MRTFB: variants seen among roughly 807,000 people sequenced by gnomAD.
MRTFB encodes myocardin-related transcription factor B.
MRTFB carries 29 observed loss-of-function variants against 104.2 expected under a neutral mutation model. That is an observed-to-expected ratio of 0.28 (90% CI 0.21 to 0.38). The LOEUF is 0.38. Ranked by LOEUF, MRTFB falls within the 10% of genes least tolerant of loss-of-function variation. The pLI, the probability that MRTFB is intolerant of heterozygous loss-of-function variation, is 1.00. For synonymous variants in MRTFB, 535 were observed against 519.5 expected (o/e 1.03, Z -0.41); for missense variants, 1,270 against 1,341.6 (o/e 0.95, Z 0.83).
At chr16:14,056,136 G>A in the MRTFB span, among the ~76,000 whole-genome samples, 1 of 152,010 alleles carries the variant, frequency 6.6e-6, no homozygotes, top group Non-Finnish European at 1.5e-5. Flanking sequence ...GCACCACCAT[G>A]CCCTGGTAAT....
At chr16:14,127,530 G>A (rs1318893019) in intron 2 of MRTFB, among the ~76,000 whole-genome samples, 1 of 151,492 alleles carries the variant, frequency 6.6e-6, no homozygotes, top group Non-Finnish European at 1.5e-5. Flanking sequence ...TGTAGTCCCA[G>A]CTACTCAGGA....
the MRTFB span, among the ~76,000 whole-genome samples, chr16:14,010,123 T>C: frequency 1.4e-3 from 214 of 152,232 alleles, no homozygotes; most frequent in African/African-American, 5.0e-3. Flanking sequence ...TGTTTGAGCT[T>C]AGATTAGAAG....
chr16:14,146,718 A>G (rs554774805), intron 3 of MRTFB, among the ~76,000 whole-genome samples: 63 of 152,282 alleles, frequency 4.1e-4, no homozygotes, highest in African/African-American at 1.5e-3. Context: ...TTCACTTTGA[A>G]AGCATTTCCC....
intron 4 of MRTFB, among the ~76,000 whole-genome samples, chr16:14,212,028 A>G (rs1010192963): frequency 6.6e-6 from 1 of 152,226 alleles, no homozygotes; most frequent in African/African-American, 2.4e-5. Flanking sequence ...ATGACCATTA[A>G]GAGCAAAGAC....
At chr16:14,022,735 C>T in the MRTFB span, among the ~76,000 whole-genome samples, 1 of 143,716 alleles carries the variant, frequency 7.0e-6, no homozygotes, top group African/African-American at 2.6e-5. Context: ...GAAGTCATTG[C>T]TAATACTGTT....
At chr16:14,240,136 A>C (rs2042699950) in intron 9 of MRTFB, 101 bp from the exon 10 acceptor site, 1 of 1,350,534 alleles carries the variant, frequency 7.4e-7, no homozygotes, top group Non-Finnish European at 9.9e-7. Flanking sequence ...CCCGTATCTA[A>C]GGTACATTTC....
intron 2 of MRTFB, among the ~76,000 whole-genome samples, chr16:14,108,431 A>T (rs1262467774): frequency 1.3e-5 from 2 of 152,188 alleles, no homozygotes; most frequent in African/African-American, 4.8e-5. Flanking sequence ...ACATTTCTAA[A>T]TGCATAGTGG....
At chr16:14,109,895 G>T (rs1169826689) in intron 2 of MRTFB, among the ~76,000 whole-genome samples, 1 of 152,152 alleles carries the variant, frequency 6.6e-6, no homozygotes, top group Non-Finnish European at 1.5e-5. Context: ...TCCAGTGTTT[G>T]CCAGGGAACC....
rs546969667 is a variant in MRTFB at position 14,126,618 on chromosome 16, A to C, written c.-63-13926A>C. The stretch of plus-strand genomic sequence containing the variant: ...AACACTAATTGCTGACATTATTGAC[A>C]TTTACTGATTTATTCATAGCTCTGC... On this transcript the variant is annotated intron_variant, in intron 2 of 16. Transcript: ENST00000571589. Among the ~76,000 whole-genome samples, 9 of 152,330 alleles carry C rather than the reference A, an allele frequency of 5.9e-5. No individual in the cohort carries two copies. In the South Asian group the frequency reaches 1.2e-3, roughly 21 times the overall value.
In MRTFB at chr16:14,240,491, C is replaced by T. The variant is rs1023314672; in HGVS notation, c.1079+7C>T. ...TCCTGCCTGCACCATTCAAGTACGG[C>T]GGGGCCCATGCTATCCTCAACGCGG... On this transcript the variant is annotated splice_region_variant and intron_variant, in intron 10 of 16. Transcript: ENST00000571589. The T allele has an allele frequency of 5.6e-6, 9 of 1,614,102 alleles. No homozygotes were observed. Among genetic ancestry groups the T allele is most frequent in the African/African-American group, 1.3e-5 (1 of 74,936 alleles).
In MRTFB at chr16:14,080,191, G is replaced by T. The variant is rs556977391; in HGVS notation, c.-64+837G>T. 1.6e-4 allele frequency among the ~76,000 whole-genome samples: 25 copies of T among 152,274 alleles called. No individual in the cohort carries two copies. The South Asian group carries it at 5.2e-3, about 32-fold the overall frequency. On this transcript the variant is annotated intron_variant, in intron 2 of 16. Coordinates refer to ENST00000571589, the MANE Select transcript of MRTFB (RefSeq NM_001308142.2). ...TTAGATGTGTAACTGCTGGGTCAGAGATTATACACATTTAAAATGTTGAGA... is the reference window on the plus strand; with the variant it reads ...TTAGATGTGTAACTGCTGGGTCAGATATTATACACATTTAAAATGTTGAGA...
At chr16:14,050,727 T>C in the MRTFB span, among the ~76,000 whole-genome samples, 1 of 152,148 alleles carries the variant, frequency 6.6e-6, no homozygotes, top group Non-Finnish European at 1.5e-5. Context: ...TTCAGTCCAA[T>C]AAAATAACTA....
At chr16:14,055,369 A>G in the MRTFB span, among the ~76,000 whole-genome samples, 1 of 152,190 alleles carries the variant, frequency 6.6e-6, no homozygotes, top group African/African-American at 2.4e-5. Context: ...GAAGAAGAAG[A>G]AGTAGTTAAC....
intron 3 of MRTFB, among the ~76,000 whole-genome samples, chr16:14,188,108 T>C (rs552976412): frequency 6.6e-6 from 1 of 152,338 alleles, no homozygotes; most frequent in Admixed American, 6.5e-5. Flanking sequence ...GAAAAACTCC[T>C]AGGTCGAAAT....
At chr16:14,175,266 A>G (rs2039543555) in intron 3 of MRTFB, among the ~76,000 whole-genome samples, 1 of 152,238 alleles carries the variant, frequency 6.6e-6, no homozygotes, top group Non-Finnish European at 1.5e-5. Context: ...AATCAAGACA[A>G]CAAACATTTT....
intron 3 of MRTFB, among the ~76,000 whole-genome samples, chr16:14,185,283 G>T (rs1276841628): frequency 2.0e-5 from 3 of 152,174 alleles, no homozygotes; most frequent in Non-Finnish European, 2.9e-5. Flanking sequence ...AACAATATGG[G>T]TTTAGTGCAC....
At position 14,263,894 on chromosome 16, in the gene MRTFB, C is replaced by T. The variant is rs1052147459; in HGVS notation, c.*2450C>T. 2.6e-5 allele frequency: 4 copies of T among 152,192 alleles called. No homozygotes were observed. The highest frequency in any genetic ancestry group is 7.2e-5 in the African/African-American group (3 of 41,430). 9.4% of individuals were successfully genotyped at this position (152,192 alleles called of 1,614,324 possible). A position where few individuals can be genotyped will look rare whatever the true frequency, so the allele number is the denominator to read the frequency against. On this transcript the variant is annotated 3_prime_UTR_variant, in exon 17 of 17. Transcript: ENST00000571589. ...CTGGCTTGGGTCACCAGCCAGGCACCTGTGACACGAGTGCTGCTCTCCAGG... is the reference window on the plus strand; with the variant it reads ...CTGGCTTGGGTCACCAGCCAGGCACTTGTGACACGAGTGCTGCTCTCCAGG...
chr16:14,155,735 AGGCTG>A (rs1212844342), intron 3 of MRTFB, among the ~76,000 whole-genome samples: 11 of 152,184 alleles, frequency 7.2e-5, no homozygotes, highest in Non-Finnish European at 1.6e-4. Context: ...CATTTCACTC[AGGCTG>A]GTTGCAGTTC....
chr16:14,241,260 A>C (rs1320270321), intron 10 of MRTFB: 1 of 154,784 alleles, frequency 6.5e-6, no homozygotes, highest in East Asian at 1.9e-4. Context: ...TTCAGAAGAC[A>C]GTTAAAGGCC....
Sources: gnomAD v4.1 joint callset for allele counts (sites outside exome capture counted in the v4.1 genomes callset) on GRCh38, gnomAD v4.1.1 for gene constraint, MANE v1.5 for transcripts, NCBI Gene and HGNC (gene_info 2026-07-23, HGNC 2026-07-21) for gene names.